The following EPHA3 variants were observed in gnomAD, a reference collection of about 807,000 sequenced individuals.
EPHA3 encodes EPH receptor A3, also known as ephrin type-A receptor 3.
Under a neutral mutation model 107.1 loss-of-function variants are expected in EPHA3, and 42 were observed. The observed-to-expected ratio is 0.39, with a 90% CI of 0.31 to 0.51. The LOEUF is 0.51. Ranked by LOEUF, EPHA3 falls within the 20% of genes least tolerant of loss-of-function variation. The probability of loss-of-function intolerance (pLI) is 0.78; values close to 1 mark genes in which losing one functional copy is unlikely to be tolerated. For missense variants in EPHA3, 1,183 were observed against 1,211.2 expected (o/e 0.98, Z 0.35); for synonymous variants, 461 against 424.8 (o/e 1.09, Z -1.05).
intron 2 of EPHA3, among the ~76,000 whole-genome samples, chr3:89,181,448 A>T (rs1034630396): frequency 1.2e-4 from 18 of 151,962 alleles, no homozygotes; most frequent in Non-Finnish European, 2.4e-4. Flanking sequence ...GAAGCCAGGC[A>T]GACATTCAAA....
In EPHA3 at chr3:89,479,708, T is replaced by C. The variant is rs1394617325; in HGVS notation, c.*206T>C. On this transcript the variant is annotated 3_prime_UTR_variant, in exon 17 of 17. Coordinates refer to ENST00000336596, the MANE Select transcript of EPHA3 (RefSeq NM_005233.6). ...ATTGGATGGGTGGGTGGGGTATTTT[T>C]TTGTAATTGCTTTTTTAAATATTAG... The C allele has an allele frequency of 2.1e-6, 1 of 485,326 alleles. No individual in the cohort carries two copies. The highest frequency in any genetic ancestry group is 3.7e-6 in the Non-Finnish European group (1 of 272,782). 30.1% of individuals were successfully genotyped at this position (485,326 alleles called of 1,614,324 possible).
intron 1 of EPHA3, among the ~76,000 whole-genome samples, chr3:89,123,305 G>A (rs1707431724): frequency 6.6e-6 from 1 of 152,122 alleles, no homozygotes; most frequent in African/African-American, 2.4e-5. Context: ...TGCCATGCCA[G>A]CTAATTTTTG....
rs150861899 is a variant in EPHA3 at position 89,201,861 on chromosome 3, C to T, written c.154-7999C>T. ...AAAGTCACAGTTTCCAAGAATCTAT[C>T]GAGGATGTTAAGTGTGAACTTCAAG... On this transcript the variant is annotated intron_variant, in intron 2 of 16. Coordinates refer to ENST00000336596, the MANE Select transcript of EPHA3 (RefSeq NM_005233.6). 3.5e-3 allele frequency among the ~76,000 whole-genome samples: 540 copies of T among 152,236 alleles called. 1 individual carries two copies. Among genetic ancestry groups the T allele is most frequent in the African/African-American group, 0.013 (522 of 41,520 alleles).
intron 10 of EPHA3, among the ~76,000 whole-genome samples, chr3:89,416,276 A>C (rs1709244162): frequency 1.3e-5 from 2 of 151,454 alleles, no homozygotes; most frequent in South Asian, 2.1e-4. Context: ...CACTTATTAG[A>C]ATTAAAAAAT....
At chr3:89,466,798 C>A (rs1710286166) in intron 15 of EPHA3, among the ~76,000 whole-genome samples, 1 of 126,294 alleles carries the variant, frequency 7.9e-6, no homozygotes, top group Non-Finnish European at 1.8e-5. Context: ...TTATGCGTCG[C>A]TCACGCTGGG....
chr3:89,206,633 G>A (rs571945257), intron 2 of EPHA3, among the ~76,000 whole-genome samples: 19 of 152,024 alleles, frequency 1.2e-4, no homozygotes, highest in African/African-American at 2.7e-4. Flanking sequence ...AGAGATTTTT[G>A]GAGCACCAAG....
At chr3:89,323,012 T>A (rs1576311357) in intron 3 of EPHA3, among the ~76,000 whole-genome samples, 1 of 152,234 alleles carries the variant, frequency 6.6e-6, no homozygotes, top group African/African-American at 2.4e-5. Flanking sequence ...TCTTTGTGAA[T>A]TATATTTAAA....
chr3:89,263,943 A>G (rs1025857041), intron 3 of EPHA3, among the ~76,000 whole-genome samples: 8 of 151,932 alleles, frequency 5.3e-5, no homozygotes. Context: ...ATGAATTTCT[A>G]TTTCAGGGGA....
chr3:89,381,124 C>T (rs1233143627), intron 5 of EPHA3, among the ~76,000 whole-genome samples: 1 of 151,908 alleles, frequency 6.6e-6, no homozygotes, highest in Non-Finnish European at 1.5e-5. Flanking sequence ...AGGCACCCGC[C>T]ACCACGCCTG....
At chr3:89,351,601 T>C (rs1374946493) in intron 5 of EPHA3, among the ~76,000 whole-genome samples, 1 of 151,282 alleles carries the variant, frequency 6.6e-6, no homozygotes, top group Non-Finnish European at 1.5e-5. Flanking sequence ...CTGGGAGCTG[T>C]AGACCGGAGC....
intron 3 of EPHA3, among the ~76,000 whole-genome samples, chr3:89,289,140 A>G (rs1706156551): frequency 6.6e-6 from 1 of 152,162 alleles, no homozygotes; most frequent in Admixed American, 6.6e-5. Flanking sequence ...ATAAGTGGGC[A>G]TGCTCATGGT....
At chr3:89,296,433 G>A (rs1357309854) in intron 3 of EPHA3, among the ~76,000 whole-genome samples, 1 of 152,106 alleles carries the variant, frequency 6.6e-6, no homozygotes, top group African/African-American at 2.4e-5. Flanking sequence ...AGAGTTCTTG[G>A]GTGACTAGGT....
chr3:89,220,370 A>C (rs1436350324), intron 3 of EPHA3, among the ~76,000 whole-genome samples: 1 of 152,204 alleles, frequency 6.6e-6, no homozygotes, highest in Non-Finnish European at 1.5e-5. Context: ...ATTATTGGAA[A>C]GTGACACCTC....
chr3:89,407,497 A>G, intron 8 of EPHA3, 126 bp downstream of exon 8: 1 of 716,248 alleles, frequency 1.4e-6, no homozygotes, highest in Non-Finnish European at 2.3e-6. Flanking sequence ...CTCCACTTGT[A>G]GTTTAGGTCC....
chr3:89,120,001 C>T (rs1707341309), intron 1 of EPHA3, among the ~76,000 whole-genome samples: 1 of 152,100 alleles, frequency 6.6e-6, no homozygotes, highest in South Asian at 2.1e-4. Context: ...TCTGGCTGAA[C>T]AGATAGCCTG....
At chr3:89,113,430 A>G (rs554457709) in intron 1 of EPHA3, among the ~76,000 whole-genome samples, 7 of 139,112 alleles carry the variant, frequency 5.0e-5, no homozygotes, top group African/African-American at 1.8e-4. Context: ...GGTTTTCTCC[A>G]GGAAAATCTG....
At chr3:89,255,681 G>A (rs572258836) in intron 3 of EPHA3, among the ~76,000 whole-genome samples, 79 of 152,128 alleles carry the variant, frequency 5.2e-4, no homozygotes, top group Admixed American at 1.4e-3. Flanking sequence ...CAGGTGGATT[G>A]CCTGAGGTGA....
At chr3:89,136,358 C>T (rs1704315319) in intron 2 of EPHA3, among the ~76,000 whole-genome samples, 1 of 17,868 alleles carries the variant, frequency 5.6e-5, no homozygotes, top group Non-Finnish European at 1.1e-4. Flanking sequence ...TTTTTTTGAC[C>T]CTTTCCTTGA....
At chr3:89,424,365 T>C (rs1236666069) in intron 11 of EPHA3, among the ~76,000 whole-genome samples, 3 of 151,418 alleles carry the variant, frequency 2.0e-5, no homozygotes, top group African/African-American at 7.3e-5. Flanking sequence ...AGAAAATATG[T>C]ATTCCTGATA....
Sources: gnomAD v4.1 joint callset for allele counts (sites outside exome capture counted in the v4.1 genomes callset) on GRCh38, gnomAD v4.1.1 for gene constraint, MANE v1.5 for transcripts, NCBI Gene and HGNC (gene_info 2026-07-23, HGNC 2026-07-21) for gene names.